The following ROS1 variants were observed in gnomAD, a reference collection of about 807,000 sequenced individuals.
ROS1 encodes the protein ROS proto-oncogene 1, receptor tyrosine kinase.
Under a neutral mutation model 273.5 loss-of-function variants are expected in ROS1, and 263 were observed. That is an observed-to-expected ratio of 0.96 (90% CI 0.87 to 1.06). ROS1 has a LOEUF of 1.06. ROS1 is among the 50% of genes least tolerant of loss of function. The pLI, the probability that ROS1 is intolerant of heterozygous loss-of-function variation, is 0.00. For synonymous variants in ROS1, 1,008 were observed against 954.1 expected, an observed-to-expected ratio of 1.06 and a Z score of -1.04; for missense variants, 2,833 against 2,751.1, an observed-to-expected ratio of 1.03 and a Z score of -0.67.
rs1159595080 is a variant in ROS1, at chr6:117,362,763, T to G, written c.3206A>C (p.His1069Pro). The G allele has an allele frequency of 1.2e-6, 2 of 1,613,788 alleles. No individual in the cohort carries two copies. The highest frequency in any genetic ancestry group is 1.7e-6 in the Non-Finnish European group (2 of 1,179,750). Residue 1069 changes from histidine (H) to proline (P), a missense_variant, in exon 22 of 44, where the codon CAT becomes CCT. Physicochemically the swap from His to Pro is moderately conservative, Grantham distance 77 (BLOSUM62 -2). Transcript: ENST00000368507. ...VVEFRWNKPK[H>P]ENGVLTKFEI... Reference sequence around the variant, plus strand: ...AAATTTTGTTAACACCCCATTTTCATGCTTAGGTTTGTTCCACCTAAATTC... The same window carrying G: ...AAATTTTGTTAACACCCCATTTTCAGGCTTAGGTTTGTTCCACCTAAATTC...
chr6:117,356,497 G>T, intron 26 of ROS1, 132 bp downstream of exon 26: 1 of 752,890 alleles, frequency 1.3e-6, no homozygotes, highest in Non-Finnish European at 2.0e-6. Context: ...AATTCTGCAA[G>T]AACACTTGGC....
intron 42 of ROS1, among the ~76,000 whole-genome samples, chr6:117,305,893 A>T (rs889138052): frequency 3.3e-4 from 50 of 152,254 alleles, no homozygotes; most frequent in African/African-American, 8.9e-4. Flanking sequence ...AGGTCCTTCA[A>T]GTTTGTTAAA....
chr6:117,325,180 C>A (rs2128578000), intron 34 of ROS1, among the ~76,000 whole-genome samples: 1 of 152,142 alleles, frequency 6.6e-6, no homozygotes, highest in South Asian at 2.1e-4. Context: ...TTTTATATAG[C>A]ATGTGAGTGT....
intron 43 of ROS1, among the ~76,000 whole-genome samples, chr6:117,292,291 T>C (rs1020532184): frequency 6.6e-6 from 1 of 152,156 alleles, no homozygotes; most frequent in Non-Finnish European, 1.5e-5. Flanking sequence ...TTATAATGTA[T>C]CTTTGCACAT....
intron 32 of ROS1, among the ~76,000 whole-genome samples, chr6:117,335,140 T>C (rs1314388560): frequency 1.3e-5 from 2 of 152,158 alleles, no homozygotes; most frequent in African/African-American, 4.8e-5. Flanking sequence ...TAAACATATT[T>C]ACAAGAAAAA....
In ROS1 at chr6:117,362,685, T is replaced by A. The variant is rs1779900810; in HGVS notation, c.3284A>T (p.Asp1095Val). The A allele has an allele frequency of 6.2e-7, 1 of 1,613,412 alleles. No individual in the cohort carries two copies. Among genetic ancestry groups the A allele is most frequent in the Middle Eastern group, 1.7e-4 (1 of 6,058 alleles). ...GGGAGTGACATTGACAGCAATCCAG[T>A]CTTCACATGTTTTGTTTGTAATACT... ...NQSITNKTCE[D>V]WIAVNVTPSV... Residue 1095 changes from aspartate to valine, a missense_variant, in exon 22 of 44, where the codon GAC becomes GTC. Coordinates refer to ENST00000368507, the MANE Select transcript of ROS1 (RefSeq NM_001378902.1).
chr6:117,288,257 C>T lies in ROS1; in HGVS notation c.*235G>A, dbSNP rs1275925838. The T allele has an allele frequency of 9.4e-6, 5 of 530,638 alleles. No individual in the cohort carries two copies. The highest frequency in any genetic ancestry group is 1.9e-5 in the African/African-American group (1 of 52,144). 32.9% of individuals were successfully genotyped at this position (530,638 alleles called of 1,614,324 possible). ...TTCCAGACTTCTGAGTCTTCCTAAG[C>T]TTTCCACATGCTTAGTGTTCATCTC... On this transcript the variant is annotated 3_prime_UTR_variant, in exon 44 of 44. Coordinates refer to ENST00000368507, the MANE Select transcript of ROS1 (RefSeq NM_001378902.1).
rs751557733 is a variant in ROS1 at position 117,288,763 on chromosome 6, A to G, written c.6755T>C (p.Ile2252Thr). 3 of 1,611,088 alleles carry G rather than the reference A, an allele frequency of 1.9e-6. No individual in the cohort carries two copies. The highest frequency in any genetic ancestry group is 2.2e-5 in the South Asian group (2 of 90,362). Residue 2252 changes from isoleucine (I) to threonine (T), a missense_variant, in exon 44 of 44, where the codon ATT becomes ACT. By Grantham distance (89) the Ile-to-Thr change is moderately conservative. Coordinates refer to ENST00000368507, the MANE Select transcript of ROS1 (RefSeq NM_001378902.1). ...GDVICLNSDD[I>T]MPVALMETKN... ...CGTTTCCATTAAAGCAACTGGCATA[A>G]TGTCATCTGAATTCAAACAAATCAC... is the stretch of plus-strand genomic sequence containing the variant.
intron 18 of ROS1, among the ~76,000 whole-genome samples, chr6:117,371,931 G>A (rs1227823242): frequency 6.6e-6 from 1 of 152,156 alleles, no homozygotes; most frequent in African/African-American, 2.4e-5. Context: ...CCCAAGGAGA[G>A]CCTGAGCTCA....
rs1480025191 is a variant in ROS1 at position 117,403,292 on chromosome 6, G to A, written c.466-15C>T. The A allele has an allele frequency of 6.2e-7, 1 of 1,609,384 alleles. No homozygotes were observed. ...CTGGACACAGTCTAGATCAAGGAGT[G>A]ATCAATCATCAGCATTATAGAATCA... is the stretch of plus-strand genomic sequence containing the variant. On this transcript the variant is annotated splice_polypyrimidine_tract_variant and intron_variant, in intron 6 of 43. Coordinates refer to ENST00000368507, the MANE Select transcript of ROS1 (RefSeq NM_001378902.1).
chr6:117,357,198 A>C (rs1260782487), intron 25 of ROS1, among the ~76,000 whole-genome samples: 9 of 152,204 alleles, frequency 5.9e-5, no homozygotes. Context: ...TAATAACTGA[A>C]ATATAAAATA....
intron 25 of ROS1, among the ~76,000 whole-genome samples, chr6:117,357,137 A>G (rs968551905): frequency 6.6e-6 from 1 of 152,350 alleles, no homozygotes; most frequent in Non-Finnish European, 1.5e-5. Flanking sequence ...TGTGTTTACA[A>G]CTAAAGTCTT....
intron 39 of ROS1, among the ~76,000 whole-genome samples, chr6:117,314,039 C>T (rs1775729964): frequency 6.6e-6 from 1 of 152,104 alleles, no homozygotes; most frequent in Non-Finnish European, 1.5e-5. Flanking sequence ...TCAAAACGAT[C>T]TGGAAAAAGT....
At chr6:117,369,464 C>T (rs962449399) in intron 18 of ROS1, among the ~76,000 whole-genome samples, 76 of 152,144 alleles carry the variant, frequency 5.0e-4, no homozygotes, top group African/African-American at 1.7e-3. Context: ...GTCCCAGCTA[C>T]TCAGGAGGCT....
At chr6:117,339,844 A>C (rs1183163109) in intron 31 of ROS1, among the ~76,000 whole-genome samples, 3 of 152,062 alleles carry the variant, frequency 2.0e-5, no homozygotes, top group African/African-American at 7.2e-5. Flanking sequence ...TGGATGACTT[A>C]ATGACTCCTA....
chr6:117,424,942 A>C (rs1002998681), intron 1 of ROS1, among the ~76,000 whole-genome samples: 1 of 152,196 alleles, frequency 6.6e-6, no homozygotes, highest in African/African-American at 2.4e-5. Flanking sequence ...ACTAAATTAC[A>C]ACTGAAAAGA....
At chr6:117,376,754 A>G (rs751244835) in intron 18 of ROS1, among the ~76,000 whole-genome samples, 1 of 152,160 alleles carries the variant, frequency 6.6e-6, no homozygotes, top group African/African-American at 2.4e-5. Flanking sequence ...TCTGAGAGAA[A>G]TCAAAGAAAA....
chr6:117,379,802 C>A (rs1029693263), intron 17 of ROS1, among the ~76,000 whole-genome samples: 1 of 152,082 alleles, frequency 6.6e-6, no homozygotes, highest in African/African-American at 2.4e-5. Context: ...CTATTAATTG[C>A]AACCCAAAAC....
chr6:117,331,279 A>T (rs187566322), intron 32 of ROS1, among the ~76,000 whole-genome samples: 91 of 152,302 alleles, frequency 6.0e-4, no homozygotes, highest in African/African-American at 1.1e-3. Context: ...AGACATGCTG[A>T]CAAGAAGAGA....
Sources: allele counts gnomAD v4.1 joint callset (sites outside exome capture counted in the v4.1 genomes callset), GRCh38; gene constraint gnomAD v4.1.1; transcripts MANE v1.5; gene names NCBI Gene and HGNC (gene_info 2026-07-23, HGNC 2026-07-21).